TMEM178B: variants seen among roughly 807,000 people sequenced by gnomAD.
TMEM178B encodes the protein transmembrane protein 178B.
Under a neutral mutation model 31.0 loss-of-function variants are expected in TMEM178B, and 5 were observed. The ratio of observed to expected loss-of-function variants is 0.16; its 90% confidence interval spans 0.08 to 0.34. The LOEUF (loss-of-function observed/expected upper bound fraction) is 0.34. TMEM178B is among the 10% of genes least tolerant of loss of function. TMEM178B has a pLI of 1.00. For synonymous variants in TMEM178B, 164 were observed against 164.0 expected (o/e 1.00, Z 0.00); for missense variants, 275 against 400.3 (o/e 0.69, Z 2.67).
At position 141,343,039 on chromosome 7, in the gene TMEM178B, AC is replaced by A. The variant is rs1482966230; in HGVS notation, c.497-94564del. Reference sequence around the variant, plus strand: ...AGAGAAAACACAGATTGCTTGGCCCACCCCCAGGGTTTCTGATTCACTAGGC... The same window carrying A: ...AGAGAAAACACAGATTGCTTGGCCCACCCCAGGGTTTCTGATTCACTAGGC... On this transcript the variant is annotated intron_variant, in intron 2 of 3. Transcript: ENST00000565468. Among the ~76,000 whole-genome samples the A allele has an allele frequency of 5.9e-5, 9 of 152,146 alleles. 1 individual carries two copies. The South Asian group carries it at 1.0e-3, about 18-fold the overall frequency.
chr7:141,210,075 C>G (rs978754005), intron 1 of TMEM178B, among the ~76,000 whole-genome samples: 1 of 152,164 alleles, frequency 6.6e-6, no homozygotes, highest in Non-Finnish European at 1.5e-5. Flanking sequence ...GTAGAGGAGG[C>G]TCTCTGGTTA....
Position 141,074,736 on chromosome 7 carries a change from C to T in TMEM178B, c.382+44C>T. The stretch of plus-strand genomic sequence containing the variant: ...GCGTGGCGCTGCGGAGAGCCCGGCG[C>T]CTTTAGGCCCCGCAGCCCCTCGCGT... On this transcript the variant is annotated intron_variant, in intron 1 of 3. Transcript: ENST00000565468. This position sits in a 1 kb window ranked among gnomAD's most constrained non-coding sequence, Gnocchi z 5.1. 6.9e-7 allele frequency: 1 copy of T among 1,440,006 alleles called. No homozygotes were observed. The highest frequency in any genetic ancestry group is 9.1e-7 in the Non-Finnish European group (1 of 1,102,338). The allele number at this position is 1,440,006 out of a possible 1,614,324, so 89.2% of individuals were successfully genotyped here. A position where few individuals can be genotyped will look rare whatever the true frequency, so the allele number is the denominator to read the frequency against.
chr7:141,114,635 C>T (rs1795289482), intron 1 of TMEM178B, among the ~76,000 whole-genome samples: 1 of 152,260 alleles, frequency 6.6e-6, no homozygotes. Context: ...TTTCCAAAGT[C>T]TCCATGGGGC....
chr7:141,103,298 A>T (rs1393851794), intron 1 of TMEM178B, among the ~76,000 whole-genome samples: 1 of 152,218 alleles, frequency 6.6e-6, no homozygotes, highest in Admixed American at 6.5e-5. Flanking sequence ...GATAGTGGAC[A>T]TATATTGTCA....
At chr7:141,380,350 T>A (rs1800292213) in intron 2 of TMEM178B, among the ~76,000 whole-genome samples, 1 of 152,204 alleles carries the variant, frequency 6.6e-6, no homozygotes, top group Non-Finnish European at 1.5e-5. Context: ...AGACTCTATG[T>A]TTCTTATATT....
At chr7:141,510,704 AAAAAAAAAG>A in the TMEM178B span, among the ~76,000 whole-genome samples, 2 of 141,710 alleles carry the variant, frequency 1.4e-5, no homozygotes, top group African/African-American at 2.8e-5. Flanking sequence ...AAAAAAAAAA[AAAAAAAAAG>A]AAAAAAAAAG....
At chr7:141,257,334 G>C (rs1234969745) in intron 2 of TMEM178B, among the ~76,000 whole-genome samples, 1 of 152,200 alleles carries the variant, frequency 6.6e-6, no homozygotes, top group East Asian at 1.9e-4. Context: ...TCTAACTTCA[G>C]GTTCAGTCCA....
chr7:141,499,509 C>T, the TMEM178B span, among the ~76,000 whole-genome samples: 1 of 149,060 alleles, frequency 6.7e-6, no homozygotes. Context: ...CATTGTGGTG[C>T]ATGCCTGTAG....
In TMEM178B at chr7:141,470,847, A is replaced by ATATAT; in HGVS notation, c.*61_*62insTATAT. ...ATATATATATAATATACATATATAAAACAAAACAAAACTAAATCAAGACGA... is the reference window on the plus strand; with the variant it reads ...ATATATATATAATATACATATATAAATATATACAAAACAAAACTAAATCAAGACGA... On this transcript the variant is annotated 3_prime_UTR_variant, in exon 4 of 4. Transcript: ENST00000565468. 1.1e-6 allele frequency: 1 copy of ATATAT among 934,720 alleles called. No homozygotes were observed. The highest frequency in any genetic ancestry group is 1.3e-6 in the Non-Finnish European group (1 of 754,808). The allele number at this position is 934,720 out of a possible 1,614,324, so 57.9% of individuals were successfully genotyped here.
rs185533524 is a variant in TMEM178B, at chr7:141,451,041, G to T, written c.634+13296G>T. Among the ~76,000 whole-genome samples the T allele has an allele frequency of 2.0e-5, 3 of 152,246 alleles. No individual in the cohort carries two copies. The East Asian group carries it at 5.8e-4, about 29-fold the overall frequency. Reference sequence around the variant, plus strand: ...ACTCACATGCATTTGTAAGCCAGAGGGTCCTCCTCCACTCCCACCAGCAAG... The same window carrying T: ...ACTCACATGCATTTGTAAGCCAGAGTGTCCTCCTCCACTCCCACCAGCAAG... On this transcript the variant is annotated intron_variant, in intron 3 of 3. Coordinates refer to ENST00000565468, the MANE Select transcript of TMEM178B (RefSeq NM_001195278.2).
At chr7:141,241,670 G>A (rs553947806) in intron 2 of TMEM178B, among the ~76,000 whole-genome samples, 7 of 152,048 alleles carry the variant, frequency 4.6e-5, no homozygotes, top group Admixed American at 3.9e-4. Context: ...GGCACGTGGT[G>A]GCGTTGGTTT....
At position 141,344,563 on chromosome 7, in the gene TMEM178B, TCCTCCCTCCTCCCTTCCTTC is replaced by T. The variant is rs956708989; in HGVS notation, c.497-93043_497-93024del. On this transcript the variant is annotated intron_variant, in intron 2 of 3. Transcript: ENST00000565468. This position sits in a 1 kb window ranked among gnomAD's most constrained non-coding sequence, Gnocchi z 4.1. ...TTAGTTTCTCCCTCCCTCCCTCCAT[TCCTCCCTCCTCCCTTCCTTC>T]CTTCCTTCCTTCCTTCCTTCCTTCC... Among the ~76,000 whole-genome samples, 1 of 142,246 alleles carries T rather than the reference TCCTCCCTCCTCCCTTCCTTC, an allele frequency of 7.0e-6. No individual in the cohort carries two copies. Among genetic ancestry groups the T allele is most frequent in the Non-Finnish European group, 1.5e-5 (1 of 65,730 alleles). 93.3% of individuals were successfully genotyped at this position (142,246 alleles called of 152,430 possible). A position where few individuals can be genotyped will look rare whatever the true frequency, so the allele number is the denominator to read the frequency against.
chr7:141,123,415 T>G (rs1458721280), intron 1 of TMEM178B, among the ~76,000 whole-genome samples: 1 of 152,212 alleles, frequency 6.6e-6, no homozygotes, highest in Non-Finnish European at 1.5e-5. Flanking sequence ...CAAGAGTGTC[T>G]TCTCCTCTCC....
chr7:141,396,707 A>T (rs1472568158), intron 2 of TMEM178B, among the ~76,000 whole-genome samples: 1 of 152,208 alleles, frequency 6.6e-6, no homozygotes, highest in Non-Finnish European at 1.5e-5. Context: ...GGAACAAGAC[A>T]CAGACAGTGG....
chr7:141,198,586 G>A (rs1796823574), intron 1 of TMEM178B, among the ~76,000 whole-genome samples: 1 of 152,134 alleles, frequency 6.6e-6, no homozygotes, highest in Non-Finnish European at 1.5e-5. Flanking sequence ...CTTATCAAAA[G>A]TGACATTAAA....
At chr7:141,365,685 G>T (rs2116554984) in intron 2 of TMEM178B, among the ~76,000 whole-genome samples, 1 of 152,336 alleles carries the variant, frequency 6.6e-6, no homozygotes, top group East Asian at 1.9e-4. Flanking sequence ...CTCACTGTGT[G>T]CCCGTGTCTT....
intron 1 of TMEM178B, among the ~76,000 whole-genome samples, chr7:141,084,926 T>C (rs1794753463): frequency 6.6e-6 from 1 of 152,150 alleles, no homozygotes; most frequent in Admixed American, 6.5e-5. Context: ...TTGCCCAGGC[T>C]TGAGTGCAAT....
intron 1 of TMEM178B, among the ~76,000 whole-genome samples, chr7:141,204,002 C>T (rs151118060): frequency 1.3e-5 from 2 of 152,314 alleles, no homozygotes; most frequent in African/African-American, 4.8e-5. Flanking sequence ...GAAAGCCTGC[C>T]TCATCCAACA....
chr7:141,123,271 G>T (rs1467536207), intron 1 of TMEM178B, among the ~76,000 whole-genome samples: 1 of 152,216 alleles, frequency 6.6e-6, no homozygotes, highest in East Asian at 1.9e-4. Context: ...GTGTTCAGGT[G>T]GCCTGGGAGT....
Sources: allele counts gnomAD v4.1 joint callset (sites outside exome capture counted in the v4.1 genomes callset), GRCh38; gene constraint gnomAD v4.1.1; non-coding constraint Gnocchi (gnomAD v3.1); transcripts MANE v1.5; gene names NCBI Gene and HGNC (gene_info 2026-07-23, HGNC 2026-07-21).